THUMPD3: variants seen among roughly 807,000 people sequenced by gnomAD.
THUMPD3 encodes the protein THUMP domain 3 tRNA guanosine methyltransferase.
A neutral mutation model predicts 54.5 loss-of-function variants in THUMPD3; 44 were observed. The ratio of observed to expected loss-of-function variants is 0.81; its 90% confidence interval spans 0.63 to 1.04. The LOEUF is 1.04. THUMPD3 is among the 50% of genes least tolerant of loss of function. The pLI, the probability that THUMPD3 is intolerant of heterozygous loss-of-function variation, is 0.00. For missense variants in THUMPD3, 604 were observed against 601.3 expected (o/e 1.00, Z -0.05); for synonymous variants, 196 against 201.4 (o/e 0.97, Z 0.23).
At chr3:9,371,585 T>C in intron 4 of THUMPD3, 49 bp downstream of exon 4, 1 of 1,481,518 alleles carries the variant, frequency 6.7e-7, no homozygotes, top group Non-Finnish European at 9.2e-7. Context: ...GTCACAGATT[T>C]GTAGAATTTC....
intron 5 of THUMPD3, among the ~76,000 whole-genome samples, chr3:9,375,415 C>A (rs2032388175): frequency 6.6e-6 from 1 of 152,178 alleles, no homozygotes; most frequent in Non-Finnish European, 1.5e-5. Flanking sequence ...TTTCAGAGTA[C>A]ACGACCTATC....
chr3:9,373,702 G>A (rs1025267416), intron 4 of THUMPD3, among the ~76,000 whole-genome samples: 1 of 152,152 alleles, frequency 6.6e-6, no homozygotes, highest in African/African-American at 2.4e-5. Context: ...AAAGATTGGG[G>A]AACATTTTGG....
In THUMPD3 at chr3:9,371,642, G is replaced by A. The variant is rs1469192018; in HGVS notation, c.807+106G>A. The A allele has an allele frequency of 1.3e-5, 13 of 998,966 alleles. No homozygotes were observed. In the East Asian group the frequency reaches 3.1e-4, roughly 24 times the overall value. The allele number at this position is 998,966 out of a possible 1,614,324, so 61.9% of individuals were successfully genotyped here. ...ACAATTAAACTGAGGAAATAGTAGG[G>A]TGTGGTTAAGAAGAGCATAGGCTAT... On this transcript the variant is annotated intron_variant, in intron 4 of 9. Transcript: ENST00000452837.
At chr3:9,382,000 G>A (rs1459296705) in intron 7 of THUMPD3, among the ~76,000 whole-genome samples, 21 of 151,548 alleles carry the variant, frequency 1.4e-4, no homozygotes, top group Non-Finnish European at 1.2e-4. Context: ...AGCCAGGATG[G>A]TCTCAATCTC....
chr3:9,377,973 C>T, intron 6 of THUMPD3, 85 bp downstream of exon 6: 1 of 1,151,620 alleles, frequency 8.7e-7, no homozygotes. Flanking sequence ...ATAATGAAAT[C>T]TCCATGGTTG....
intron 5 of THUMPD3, 134 bp downstream of exon 5, chr3:9,374,780 C>T (rs1202070666): frequency 2.0e-6 from 2 of 1,018,744 alleles, no homozygotes; most frequent in African/African-American, 3.2e-5. Flanking sequence ...GAATGGAAAG[C>T]TAATGATCTA....
rs549887678 is a variant in THUMPD3 at position 9,383,221 on chromosome 3, A to G, written c.1147A>G (p.Ile383Val). The part of the protein sequence containing the change: ...KEGKPSWGLP[I>V]DAVQWDICNL... ...CAGCAAACCCTCCTGGGGCTTGCCC[A>G]TAGATGCTGTTCAGTGGGATATCTG... Residue 383 changes from isoleucine (I) to valine (V), a missense_variant, in exon 8 of 10, where the codon ATA becomes GTA. Ile to Val is a conservative substitution (Grantham distance 29). Coordinates refer to ENST00000452837, the MANE Select transcript of THUMPD3 (RefSeq NM_001114092.2). 3.7e-6 allele frequency: 6 copies of G among 1,614,062 alleles called. No individual in the cohort carries two copies. The highest frequency in any genetic ancestry group is 4.5e-5 in the East Asian group (2 of 44,890).
chr3:9,369,258 C>G (rs371812746), intron 3 of THUMPD3, among the ~76,000 whole-genome samples: 2 of 123,526 alleles, frequency 1.6e-5, no homozygotes. Context: ...TGCAGTGAGC[C>G]GAGATCACGC....
In THUMPD3 at chr3:9,377,808, C is replaced by G. The variant is rs771714678; in HGVS notation, c.939-11C>G. 27 of 1,612,580 alleles carry G rather than the reference C, an allele frequency of 1.7e-5. No homozygotes were observed. In the Admixed American group the frequency reaches 4.5e-4, roughly 27 times the overall value. ...AGTGAGTCTTCACATAGGCTGTTTT[C>G]TTTTCTCTAGGCTCTGTGATCCTCT... On this transcript the variant is annotated splice_polypyrimidine_tract_variant and intron_variant, in intron 5 of 9. Transcript: ENST00000452837.
At chr3:9,374,476 CA>C in intron 4 of THUMPD3, 39 bp from the exon 5 acceptor site, 1 of 1,604,904 alleles carries the variant, frequency 6.2e-7, no homozygotes, top group Non-Finnish European at 8.5e-7. Flanking sequence ...GCAGTTTGAA[CA>C]ATCCTAAAAC....
In THUMPD3 at chr3:9,384,513, T is replaced by C; in HGVS notation, c.1360-11T>C. 1 of 1,613,512 alleles carries C rather than the reference T, an allele frequency of 6.2e-7. No individual in the cohort carries two copies. The highest frequency in any genetic ancestry group is 8.5e-7 in the Non-Finnish European group (1 of 1,179,972). On this transcript the variant is annotated splice_polypyrimidine_tract_variant and intron_variant, in intron 9 of 9. Transcript: ENST00000452837. ...GTCAACCTAATTGTTATTTTTTTTG[T>C]GTGTACACAGGCGTTATCTGGAATG...
chr3:9,368,950 A>C (rs2031796231), intron 3 of THUMPD3, among the ~76,000 whole-genome samples: 1 of 152,146 alleles, frequency 6.6e-6, no homozygotes, highest in East Asian at 1.9e-4. Context: ...TTTCATATAC[A>C]AGTTGAGTAT....
At position 9,384,949 on chromosome 3, in the gene THUMPD3, G is replaced by A. The variant is rs1290760129; in HGVS notation, c.*261G>A. 1.1e-5 allele frequency: 4 copies of A among 364,240 alleles called. No individual in the cohort carries two copies. Among genetic ancestry groups the A allele is most frequent in the Non-Finnish European group, 2.0e-5 (4 of 195,692 alleles). 22.6% of individuals were successfully genotyped at this position (364,240 alleles called of 1,614,324 possible). The stretch of plus-strand genomic sequence containing the variant: ...TCACCTGAGGTCCGGAGACCAGCCT[G>A]GCCAACATGGTGAAACCCTGTCTCT... On this transcript the variant is annotated 3_prime_UTR_variant, in exon 10 of 10. Coordinates refer to ENST00000452837, the MANE Select transcript of THUMPD3 (RefSeq NM_001114092.2).
intron 8 of THUMPD3, 95 bp downstream of exon 8, chr3:9,383,404 C>A: frequency 1.2e-6 from 1 of 847,338 alleles, no homozygotes; most frequent in South Asian, 1.5e-5. Flanking sequence ...TTTTAGCAGA[C>A]TTAGCAGAGC....
chr3:9,381,188 C>T (rs764003464), intron 7 of THUMPD3, among the ~76,000 whole-genome samples: 3 of 152,210 alleles, frequency 2.0e-5, no homozygotes, highest in African/African-American at 7.2e-5. Context: ...GCCGCTTCAG[C>T]CTTCCAAATT....
intron 4 of THUMPD3, among the ~76,000 whole-genome samples, chr3:9,373,673 C>T (rs983047445): frequency 7.2e-5 from 11 of 152,144 alleles, no homozygotes; most frequent in African/African-American, 2.7e-4. Flanking sequence ...TGTGGTTAAG[C>T]TCAGGAAGTC....
rs752551107 is a variant in THUMPD3, at chr3:9,365,039, A to C, written c.-30A>C. 6.3e-7 allele frequency: 1 copy of C among 1,599,454 alleles called. No individual in the cohort carries two copies. The highest frequency in any genetic ancestry group is 2.2e-5 in the East Asian group (1 of 44,592). ...AGGACAGTACTGCTTTTAAAGAGAC[A>C]GTGTTAGGGATCTTGGAAGCACAGC... On this transcript the variant is annotated 5_prime_UTR_variant, in exon 2 of 10. Transcript: ENST00000452837.
chr3:9,384,803 C>A lies in THUMPD3; in HGVS notation c.*115C>A. On this transcript the variant is annotated 3_prime_UTR_variant, in exon 10 of 10. Coordinates refer to ENST00000452837, the MANE Select transcript of THUMPD3 (RefSeq NM_001114092.2). ...CTGCACTCTTTAAACCTGTTTAAGG[C>A]TCTTCATCCTGGTTAGCAAAAGGTG... The A allele has an allele frequency of 1.7e-6, 2 of 1,191,522 alleles. No homozygotes were observed. The highest frequency in any genetic ancestry group is 2.4e-6 in the Non-Finnish European group (2 of 848,702). The allele number at this position is 1,191,522 out of a possible 1,614,324, so 73.8% of individuals were successfully genotyped here.
rs1055040163 is a variant in THUMPD3 at position 9,384,671 on chromosome 3, T to G, written c.1507T>G (p.Trp503Gly). ...ACAAGACGGAGAAAGAGGAACTCTT[T>G]GGCAATGCAAAGAATGAAGATGACT... is the stretch of plus-strand genomic sequence containing the variant. Reference protein sequence around the residue: ...SEQDGERGTLWQCKE With the variant: ...SEQDGERGTLGQCKE The change falls in exon 10 of 10, where the codon TGG becomes GGG. Residue 503 changes from tryptophan to glycine, a missense_variant. Transcript: ENST00000452837. 2 of 1,614,212 alleles carry G rather than the reference T, an allele frequency of 1.2e-6. No homozygotes were observed. The highest frequency in any genetic ancestry group is 1.7e-5 in the Admixed American group (1 of 60,016).
Sources: gnomAD v4.1 joint callset for allele counts (sites outside exome capture counted in the v4.1 genomes callset) on GRCh38, gnomAD v4.1.1 for gene constraint, MANE v1.5 for transcripts, NCBI Gene and HGNC (gene_info 2026-07-23, HGNC 2026-07-21) for gene names.